The following AOPEP variants were observed in gnomAD, a reference collection of about 807,000 sequenced individuals.
AOPEP encodes the protein aminopeptidase O.
Under a neutral mutation model 98.1 loss-of-function variants are expected in AOPEP, and 77 were observed. The ratio of observed to expected loss-of-function variants is 0.78; its 90% confidence interval spans 0.65 to 0.95. The LOEUF is 0.95. AOPEP is among the 40% of genes least tolerant of loss of function. The probability of loss-of-function intolerance (pLI) is 0.00; values close to 1 mark genes in which losing one functional copy is unlikely to be tolerated. For synonymous variants in AOPEP, 346 were observed against 365.3 expected, an observed-to-expected ratio of 0.95 and a Z score of 0.60; for missense variants, 1,024 against 1,024.7, an observed-to-expected ratio of 1.00 and a Z score of 0.01.
intron 1 of AOPEP, among the ~76,000 whole-genome samples, chr9:94,755,578 TTTG>T: frequency 6.6e-6 from 1 of 152,310 alleles, no homozygotes; most frequent in Non-Finnish European, 1.5e-5. Flanking sequence ...AAAGTTCTCC[TTTG>T]CCCCCCAAAG....
At chr9:95,095,388 C>T in the AOPEP span, among the ~76,000 whole-genome samples, 1 of 152,168 alleles carries the variant, frequency 6.6e-6, no homozygotes, top group Non-Finnish European at 1.5e-5. Context: ...TGGAAAAGCC[C>T]CTGCCGTCCC....
At chr9:95,107,173 C>T in the AOPEP span, 1 of 1,614,210 alleles carries the variant, frequency 6.2e-7, no homozygotes. Context: ...AGGTCTGTGT[C>T]TGTGCCCTGT....
chr9:95,066,354 C>A (rs2067889426), intron 14 of AOPEP, among the ~76,000 whole-genome samples: 1 of 152,070 alleles, frequency 6.6e-6, no homozygotes, highest in Non-Finnish European at 1.5e-5. Context: ...TCTAAAATCA[C>A]AAAGAACTTT....
the AOPEP span, among the ~76,000 whole-genome samples, chr9:95,133,112 C>T: frequency 6.6e-6 from 1 of 152,192 alleles, no homozygotes; most frequent in Non-Finnish European, 1.5e-5. Flanking sequence ...TACTGCACTG[C>T]GATAAATGAA....
intron 13 of AOPEP, among the ~76,000 whole-genome samples, chr9:95,023,428 T>C (rs2063611698): frequency 6.6e-6 from 1 of 152,192 alleles, no homozygotes; most frequent in Non-Finnish European, 1.5e-5. Flanking sequence ...GACGCCTGCC[T>C]CCCAGGCAGA....
chr9:94,895,312 A>T (rs917693379), intron 5 of AOPEP, among the ~76,000 whole-genome samples: 2 of 150,168 alleles, frequency 1.3e-5, no homozygotes, highest in African/African-American at 4.9e-5. Flanking sequence ...AGGTAGAAGG[A>T]TTGCTTGAAC....
At chr9:94,990,463 A>G (rs942276937) in intron 11 of AOPEP, among the ~76,000 whole-genome samples, 1 of 152,212 alleles carries the variant, frequency 6.6e-6, no homozygotes, top group South Asian at 2.1e-4. Context: ...TCAAAGAACT[A>G]GGACAAAGAT....
At chr9:94,940,160 G>T (rs1203732139) in intron 7 of AOPEP, among the ~76,000 whole-genome samples, 1 of 152,196 alleles carries the variant, frequency 6.6e-6, no homozygotes, top group East Asian at 1.9e-4. Context: ...CTTAGCTTTA[G>T]TCCCCTTAGC....
intron 13 of AOPEP, among the ~76,000 whole-genome samples, chr9:95,017,894 T>C (rs1386431096): frequency 6.6e-6 from 1 of 152,260 alleles, no homozygotes; most frequent in Non-Finnish European, 1.5e-5. Context: ...AATCATACAC[T>C]ACTCAGTCTT....
chr9:95,143,377 G>A, the AOPEP span, among the ~76,000 whole-genome samples: 1 of 152,144 alleles, frequency 6.6e-6, no homozygotes, highest in African/African-American at 2.4e-5. Context: ...TGATCAGGTC[G>A]AACTCTGGGG....
intron 5 of AOPEP, among the ~76,000 whole-genome samples, chr9:94,805,497 T>C (rs780206156): frequency 3.3e-5 from 5 of 151,866 alleles, no homozygotes; most frequent in Non-Finnish European, 5.9e-5. Context: ...TTTTGTTTTT[T>C]TTTTTAAAAA....
chr9:94,958,791 A>G (rs1386357256), intron 9 of AOPEP, among the ~76,000 whole-genome samples: 2 of 152,184 alleles, frequency 1.3e-5, no homozygotes, highest in Non-Finnish European at 2.9e-5. Flanking sequence ...TATCAGAGAT[A>G]TGATTTTCAA....
At chr9:94,789,632 G>A (rs1245142201) in intron 3 of AOPEP, among the ~76,000 whole-genome samples, 1 of 152,168 alleles carries the variant, frequency 6.6e-6, no homozygotes, top group Non-Finnish European at 1.5e-5. Context: ...AGGTAATGTA[G>A]GTAGTTACGG....
the AOPEP span, chr9:95,113,886 T>A: frequency 1.3e-5 from 2 of 152,848 alleles, no homozygotes; most frequent in African/African-American, 4.8e-5. Flanking sequence ...CCTCCCCAAG[T>A]GCTGGGATTA....
At chr9:94,858,282 C>G (rs2044487086) in intron 5 of AOPEP, among the ~76,000 whole-genome samples, 1 of 152,130 alleles carries the variant, frequency 6.6e-6, no homozygotes, top group Non-Finnish European at 1.5e-5. Flanking sequence ...GGAGTAAAAC[C>G]TTTCCAGATG....
chr9:94,912,468 G>A (rs1341172640), intron 5 of AOPEP, among the ~76,000 whole-genome samples: 2 of 152,114 alleles, frequency 1.3e-5, no homozygotes, highest in Non-Finnish European at 2.9e-5. Flanking sequence ...AGTTGAGTGC[G>A]TTATCTCTTC....
the AOPEP span, among the ~76,000 whole-genome samples, chr9:95,143,808 G>A: frequency 2.6e-5 from 4 of 152,276 alleles, no homozygotes; most frequent in East Asian, 1.9e-4. Flanking sequence ...GTTTTATGCC[G>A]TCTTTAGCCT....
At chr9:94,839,233 C>T (rs1271923356) in intron 5 of AOPEP, among the ~76,000 whole-genome samples, 1 of 151,866 alleles carries the variant, frequency 6.6e-6, no homozygotes, top group Non-Finnish European at 1.5e-5. Context: ...CTACAGGCGC[C>T]CACCACCACA....
intron 2 of AOPEP, chr9:94,763,483 AGT>A (rs141329951): frequency 1.5e-3 from 259 of 172,194 alleles, no homozygotes; most frequent in South Asian, 4.0e-3. Context: ...TCCAAGGGTT[AGT>A]GTGTGTGTGT....
Sources: gnomAD v4.1 joint callset for allele counts (sites outside exome capture counted in the v4.1 genomes callset) on GRCh38, gnomAD v4.1.1 for gene constraint, MANE v1.5 for transcripts, NCBI Gene and HGNC (gene_info 2026-07-23, HGNC 2026-07-21) for gene names.